CASR: variants seen among roughly 807,000 people sequenced by gnomAD.
The protein encoded by CASR is extracellular calcium-sensing receptor.
A neutral mutation model predicts 69.1 loss-of-function variants in CASR; 23 were observed. That is an observed-to-expected ratio of 0.33 (90% CI 0.24 to 0.47). CASR has a LOEUF of 0.47. CASR is among the 20% of genes least tolerant of loss of function. CASR has a pLI of 1.00. For synonymous variants in CASR, 541 were observed against 544.7 expected, an observed-to-expected ratio of 0.99 and a Z score of 0.10; for missense variants, 924 against 1,356.1, an observed-to-expected ratio of 0.68 and a Z score of 5.00.
intron 1 of CASR, among the ~76,000 whole-genome samples, chr3:122,236,683 C>T (rs1358783139): frequency 6.6e-6 from 1 of 152,182 alleles, no homozygotes; most frequent in Non-Finnish European, 1.5e-5. Context: ...ACAAACACAT[C>T]TTGAAATCTC....
At chr3:122,233,830 T>C (rs1212333084) in intron 1 of CASR, among the ~76,000 whole-genome samples, 1 of 152,208 alleles carries the variant, frequency 6.6e-6, no homozygotes, top group Non-Finnish European at 1.5e-5. Context: ...TGCTGCTGAT[T>C]CAGATTCACA....
intron 1 of CASR, among the ~76,000 whole-genome samples, chr3:122,238,896 A>T (rs921978127): frequency 6.6e-6 from 1 of 152,102 alleles, no homozygotes; most frequent in East Asian, 1.9e-4. Context: ...CTGACTAAAG[A>T]GCTCTTGGGC....
intron 1 of CASR, among the ~76,000 whole-genome samples, chr3:122,191,473 G>A (rs957118373): frequency 1.3e-5 from 2 of 151,938 alleles, no homozygotes; most frequent in African/African-American, 2.4e-5. Context: ...CACCATGCCT[G>A]GCTAATTTTT....
In CASR at chr3:122,288,091, T is replaced by C. The variant is rs1362378884; in HGVS notation, c.*2900T>C. Reference sequence around the variant, plus strand: ...GATTGCTAATCAGCTGACCTTGAGATAGGAAGAGCGTCCCAAATTATCCAG... The same window carrying C: ...GATTGCTAATCAGCTGACCTTGAGACAGGAAGAGCGTCCCAAATTATCCAG... On this transcript the variant is annotated 3_prime_UTR_variant, in exon 7 of 7. Coordinates refer to ENST00000639785, the MANE Select transcript of CASR (RefSeq NM_000388.4). The C allele has an allele frequency of 6.6e-6, 1 of 152,248 alleles. No individual in the cohort carries two copies. The highest frequency in any genetic ancestry group is 2.4e-5 in the African/African-American group (1 of 41,450). The allele number at this position is 152,248 out of a possible 1,614,324, so 9.4% of individuals were successfully genotyped here. A position where few individuals can be genotyped will look rare whatever the true frequency, so the allele number is the denominator to read the frequency against.
chr3:122,197,985 A>T (rs1022521446), intron 1 of CASR, among the ~76,000 whole-genome samples: 1 of 152,136 alleles, frequency 6.6e-6, no homozygotes, highest in Non-Finnish European at 1.5e-5. Context: ...CAGATCTTTT[A>T]AAAAATGTCT....
intron 3 of CASR, among the ~76,000 whole-genome samples, chr3:122,260,962 G>A (rs373609613): frequency 8.9e-4 from 135 of 152,240 alleles, no homozygotes; most frequent in African/African-American, 3.0e-3. Flanking sequence ...AGAGAAATTA[G>A]GCAGAATAAG....
intron 1 of CASR, among the ~76,000 whole-genome samples, chr3:122,186,476 AATCATTC>A (rs748023176): frequency 5.3e-5 from 8 of 152,234 alleles, no homozygotes; most frequent in African/African-American, 9.6e-5. Context: ...GAGGTAAAAA[AATCATTC>A]ATCATTCATC....
At chr3:122,269,110 AAAG>A (rs1174018544) in intron 4 of CASR, among the ~76,000 whole-genome samples, 1 of 152,230 alleles carries the variant, frequency 6.6e-6, no homozygotes, top group African/African-American at 2.4e-5. Flanking sequence ...AATATGCCTA[AAAG>A]AAGAAAAGAA....
chr3:122,235,298 T>G (rs1167194057), intron 1 of CASR, among the ~76,000 whole-genome samples: 1 of 152,208 alleles, frequency 6.6e-6, no homozygotes, highest in Non-Finnish European at 1.5e-5. Flanking sequence ...ATCCCCTGCA[T>G]GTGGCTGGGA....
chr3:122,282,537 G>A (rs2074904786), intron 6 of CASR, among the ~76,000 whole-genome samples: 1 of 152,200 alleles, frequency 6.6e-6, no homozygotes, highest in South Asian at 2.1e-4. Flanking sequence ...ACACAGTTAT[G>A]TCTGCTCCAG....
At chr3:122,200,227 T>C (rs1224263514) in intron 1 of CASR, among the ~76,000 whole-genome samples, 1 of 152,144 alleles carries the variant, frequency 6.6e-6, no homozygotes, top group Non-Finnish European at 1.5e-5. Flanking sequence ...TTTTGAAAGC[T>C]CCCAACACAA....
chr3:122,208,873 TTAGATG>T (rs1302321156), intron 1 of CASR, among the ~76,000 whole-genome samples: 2 of 152,078 alleles, frequency 1.3e-5, no homozygotes, highest in Non-Finnish European at 2.9e-5. Flanking sequence ...AGTGCACGCC[TTAGATG>T]TAGATTATTT....
At chr3:122,246,884 C>G (rs1263477750) in intron 1 of CASR, 2 of 152,148 alleles carry the variant, frequency 1.3e-5, no homozygotes, top group Non-Finnish European at 2.9e-5. Context: ...AGAAACCCAT[C>G]CCTCAGGAGT....
At chr3:122,184,421 AGCGGGGCT>A (rs2073755435) in intron 1 of CASR, 1 of 152,350 alleles carries the variant, frequency 6.6e-6, no homozygotes, top group Non-Finnish European at 1.5e-5. Flanking sequence ...TGGCATAGGG[AGCGGGGCT>A]GCGCGCAGTC....
chr3:122,285,728 T>A lies in CASR; in HGVS notation c.*537T>A, dbSNP rs2074962032. 5.7e-6 allele frequency: 1 copy of A among 174,342 alleles called. No homozygotes were observed. Among genetic ancestry groups the A allele is most frequent in the Non-Finnish European group, 1.3e-5 (1 of 79,522 alleles). 10.8% of individuals were successfully genotyped at this position (174,342 alleles called of 1,614,324 possible). The stretch of plus-strand genomic sequence containing the variant: ...TACCTGCTGCTGCTATTATGTAACA[T>A]CCAGAAGGTTTGCACCCCTCCTATA... On this transcript the variant is annotated 3_prime_UTR_variant, in exon 7 of 7. Transcript: ENST00000639785.
chr3:122,256,880 C>G (rs534985586), intron 2 of CASR, among the ~76,000 whole-genome samples: 1 of 152,218 alleles, frequency 6.6e-6, no homozygotes, highest in Non-Finnish European at 1.5e-5. Flanking sequence ...CTCGGCCTCC[C>G]GAAGTGCTGA....
intron 1 of CASR, among the ~76,000 whole-genome samples, chr3:122,226,214 G>A (rs150209673): frequency 0.021 from 3,172 of 152,198 alleles, 109 homozygotes; most frequent in African/African-American, 0.073. Flanking sequence ...TCTGATGTTC[G>A]GATGTGTTCG....
rs185984128 is a variant in CASR at position 122,271,542 on chromosome 3, T to G, written c.1378-4270T>G. ...AACTACAAATGTCGGTTTCACTAAT[T>G]AATTCATATTTGGATTTTTAAAGTC... On this transcript the variant is annotated intron_variant, in intron 4 of 6. Transcript: ENST00000639785. Among the ~76,000 whole-genome samples the G allele has an allele frequency of 2.0e-5, 3 of 152,342 alleles. No individual in the cohort carries two copies. In the East Asian group the frequency reaches 5.8e-4, roughly 29 times the overall value.
chr3:122,223,151 C>G (rs1034860514), intron 1 of CASR, among the ~76,000 whole-genome samples: 2 of 151,824 alleles, frequency 1.3e-5, no homozygotes, highest in African/African-American at 4.8e-5. Flanking sequence ...AACATCACAC[C>G]AAGAAGAACT....
Sources: allele counts gnomAD v4.1 joint callset (sites outside exome capture counted in the v4.1 genomes callset), GRCh38; gene constraint gnomAD v4.1.1; transcripts MANE v1.5; gene names NCBI Gene and HGNC (gene_info 2026-07-23, HGNC 2026-07-21).